The following SORCS1 variants were observed in gnomAD, a reference collection of about 807,000 sequenced individuals.
The protein encoded by SORCS1 is sortilin related VPS10 domain containing receptor 1, also known as VPS10 domain-containing receptor SorCS1.
A neutral mutation model predicts 146.1 loss-of-function variants in SORCS1; 60 were observed. That is an observed-to-expected ratio of 0.41 (90% CI 0.33 to 0.51). The LOEUF is 0.51. Ranked by LOEUF, SORCS1 falls within the 20% of genes least tolerant of loss-of-function variation. SORCS1 has a pLI of 0.21. For missense variants in SORCS1, 1,352 were observed against 1,487.6 expected (o/e 0.91, Z 1.50); for synonymous variants, 637 against 584.0 (o/e 1.09, Z -1.31).
At chr10:106,737,250 A>G (rs1022628067) in intron 5 of SORCS1, among the ~76,000 whole-genome samples, 1 of 152,226 alleles carries the variant, frequency 6.6e-6, no homozygotes, top group African/African-American at 2.4e-5. Flanking sequence ...TAAAGACATC[A>G]CAATGACCAG....
intron 5 of SORCS1, among the ~76,000 whole-genome samples, chr10:106,733,699 A>G (rs1001679313): frequency 6.6e-6 from 1 of 152,216 alleles, no homozygotes; most frequent in African/African-American, 2.4e-5. Flanking sequence ...TCAACATAGA[A>G]TTTAATACAA....
At chr10:106,946,242 T>C (rs1304658486) in intron 2 of SORCS1, among the ~76,000 whole-genome samples, 1 of 152,224 alleles carries the variant, frequency 6.6e-6, no homozygotes, top group Non-Finnish European at 1.5e-5. Context: ...TGATACTTAA[T>C]AAGACCAGTT....
chr10:106,861,582 A>C (rs1950017217), intron 2 of SORCS1, among the ~76,000 whole-genome samples: 1 of 152,018 alleles, frequency 6.6e-6, no homozygotes, highest in Non-Finnish European at 1.5e-5. Context: ...GATCCCTTAA[A>C]TTTAAAATGG....
chr10:107,096,784 T>A (rs1964572496), intron 1 of SORCS1, among the ~76,000 whole-genome samples: 1 of 152,112 alleles, frequency 6.6e-6, no homozygotes, highest in Non-Finnish European at 1.5e-5. Context: ...AATGCTGGGA[T>A]TACAGGTGTG....
chr10:106,609,851 G>A (rs535974605), intron 22 of SORCS1, among the ~76,000 whole-genome samples: 2 of 152,290 alleles, frequency 1.3e-5, no homozygotes, highest in South Asian at 4.1e-4. Flanking sequence ...GGACATTGCT[G>A]AGCTAGTGCT....
chr10:107,131,991 A>G (rs913003184), intron 1 of SORCS1, among the ~76,000 whole-genome samples: 1 of 152,184 alleles, frequency 6.6e-6, no homozygotes, highest in African/African-American at 2.4e-5. Flanking sequence ...TTTTCCATCA[A>G]TGTTTCTTTC....
chr10:106,908,385 T>C (rs1189689545), intron 2 of SORCS1, among the ~76,000 whole-genome samples: 3 of 152,180 alleles, frequency 2.0e-5, no homozygotes, highest in East Asian at 1.9e-4. Flanking sequence ...GATGTCAAAC[T>C]TGAAGCTGAT....
chr10:107,093,142 C>T (rs1368685730), intron 1 of SORCS1, among the ~76,000 whole-genome samples: 1 of 152,166 alleles, frequency 6.6e-6, no homozygotes, highest in African/African-American at 2.4e-5. Flanking sequence ...AGCCGCCTGA[C>T]TGCAGAGCCA....
chr10:106,998,817 T>C (rs924816626), intron 1 of SORCS1, among the ~76,000 whole-genome samples: 4 of 152,200 alleles, frequency 2.6e-5, no homozygotes, highest in Admixed American at 6.5e-5. Context: ...TCCAAAAGTT[T>C]AGGACTTTGC....
chr10:107,014,278 G>GGA (rs1957806488), intron 1 of SORCS1, among the ~76,000 whole-genome samples: 1 of 138,298 alleles, frequency 7.2e-6, no homozygotes, highest in African/African-American at 2.9e-5. Context: ...AAAAAGAAAA[G>GGA]AAAAAAAGAG....
At chr10:107,074,311 T>C (rs1412016922) in intron 1 of SORCS1, among the ~76,000 whole-genome samples, 1 of 152,174 alleles carries the variant, frequency 6.6e-6, no homozygotes, top group Non-Finnish European at 1.5e-5. Context: ...CCTTTTCAGA[T>C]TGGCTTTTTT....
Position 106,788,927 on chromosome 10 carries a change from C to G in SORCS1, c.727-12235G>C, listed in dbSNP as rs1254036640. Among the ~76,000 whole-genome samples, 4 of 152,222 alleles carry G rather than the reference C, an allele frequency of 2.6e-5. No individual in the cohort carries two copies. The East Asian group carries it at 7.7e-4, about 29-fold the overall frequency. ...GCCCTAGCAGAGGTTCTCCATGAGG[C>G]CTCTGCCCCTGCCTCAAACTTCTGT... is the stretch of plus-strand genomic sequence containing the variant. On this transcript the variant is annotated intron_variant, in intron 3 of 25. Coordinates refer to ENST00000263054, the MANE Select transcript of SORCS1 (RefSeq NM_052918.5).
chr10:107,085,427 A>G (rs1963683977), intron 1 of SORCS1, among the ~76,000 whole-genome samples: 1 of 152,246 alleles, frequency 6.6e-6, no homozygotes, highest in African/African-American at 2.4e-5. Flanking sequence ...TGTGAAATTT[A>G]CTTCCAAAAC....
At chr10:106,928,725 G>A (rs1444541193) in intron 2 of SORCS1, among the ~76,000 whole-genome samples, 1 of 152,114 alleles carries the variant, frequency 6.6e-6, no homozygotes, top group Non-Finnish European at 1.5e-5. Flanking sequence ...TATTAGCAGA[G>A]GTGTCCTATT....
rs185972258 is a variant in SORCS1, at chr10:107,004,644, G to A, written c.559-48064C>T. On this transcript the variant is annotated intron_variant, in intron 1 of 25. Coordinates refer to ENST00000263054, the MANE Select transcript of SORCS1 (RefSeq NM_052918.5). ...CAATTCAAGGTGAGATTTGGGTGGGGACACAGCCAAACCATATCATTTCCT... is the reference window on the plus strand; with the variant it reads ...CAATTCAAGGTGAGATTTGGGTGGGAACACAGCCAAACCATATCATTTCCT... Among the ~76,000 whole-genome samples the A allele has an allele frequency of 2.6e-5, 4 of 152,194 alleles. 1 individual carries two copies. In the East Asian group the frequency reaches 7.7e-4, roughly 29 times the overall value.
chr10:107,161,714 T>C (rs1590277708), intron 1 of SORCS1, among the ~76,000 whole-genome samples: 1 of 152,200 alleles, frequency 6.6e-6, no homozygotes, highest in African/African-American at 2.4e-5. Context: ...TTATTTATGC[T>C]TTCTTTCCCT....
At chr10:106,853,634 T>A (rs1949673482) in intron 2 of SORCS1, among the ~76,000 whole-genome samples, 1 of 152,056 alleles carries the variant, frequency 6.6e-6, no homozygotes, top group African/African-American at 2.4e-5. Context: ...TTTTACTGCA[T>A]CCTACAAACT....
chr10:106,732,817 T>C (rs1465738708), intron 5 of SORCS1, among the ~76,000 whole-genome samples: 1 of 152,046 alleles, frequency 6.6e-6, no homozygotes, highest in Non-Finnish European at 1.5e-5. Flanking sequence ...CACTGCCTTA[T>C]CAACAAACAA....
At chr10:106,616,631 C>G (rs551474312) in intron 21 of SORCS1, among the ~76,000 whole-genome samples, 1 of 152,296 alleles carries the variant, frequency 6.6e-6, no homozygotes, top group East Asian at 1.9e-4. Flanking sequence ...AGGAAAATCA[C>G]AGCCCTGGTT....
Sources: gnomAD v4.1 joint callset for allele counts (sites outside exome capture counted in the v4.1 genomes callset) on GRCh38, gnomAD v4.1.1 for gene constraint, MANE v1.5 for transcripts, NCBI Gene and HGNC (gene_info 2026-07-23, HGNC 2026-07-21) for gene names.